PLPP1: variants seen among roughly 807,000 people sequenced by gnomAD.
PLPP1 encodes the protein phospholipid phosphatase 1, also known as lipid phosphate phosphohydrolase 1a.
PLPP1 carries 24 observed loss-of-function variants against 31.2 expected under a neutral mutation model. The observed-to-expected ratio is 0.77, with a 90% confidence interval of 0.56 to 1.08. The LOEUF (loss-of-function observed/expected upper bound fraction) is 1.08. Ranked by LOEUF, PLPP1 falls within the 50% of genes least tolerant of loss-of-function variation. The probability of loss-of-function intolerance (pLI) is 0.00; values close to 1 mark genes in which losing one functional copy is unlikely to be tolerated. For missense variants in PLPP1, 319 were observed against 342.7 expected, an observed-to-expected ratio of 0.93 and a Z score of 0.55; for synonymous variants, 146 against 126.3, an observed-to-expected ratio of 1.16 and a Z score of -1.05.
At position 55,524,295 on chromosome 5, in the gene PLPP1, T is replaced by G. The variant is rs556126547; in HGVS notation, c.58+10277A>C. The stretch of plus-strand genomic sequence containing the variant: ...AAAATTGCAAAAAAATCTTATAATG[T>G]TTTAAGAAAGTTTACAAATTTGTGT... On this transcript the variant is annotated intron_variant, in intron 1 of 5. Transcript: ENST00000307259. 5.3e-5 allele frequency among the ~76,000 whole-genome samples: 8 copies of G among 152,224 alleles called. No individual in the cohort carries two copies. In the East Asian group the frequency reaches 1.4e-3, roughly 26 times the overall value.
intron 1 of PLPP1, among the ~76,000 whole-genome samples, chr5:55,486,923 A>G (rs1034039886): frequency 4.6e-5 from 7 of 152,190 alleles, no homozygotes; most frequent in Non-Finnish European, 1.0e-4. Flanking sequence ...AAAAAAAAAA[A>G]AGTGATTAAG....
chr5:55,510,581 C>T (rs891539103), intron 1 of PLPP1, among the ~76,000 whole-genome samples: 1 of 152,226 alleles, frequency 6.6e-6, no homozygotes, highest in Non-Finnish European at 1.5e-5. Context: ...CCTCATCTCA[C>T]CTACTCCTCA....
chr5:55,526,534 C>G lies in PLPP1; in HGVS notation c.58+8038G>C, dbSNP rs141282052. Among the ~76,000 whole-genome samples the G allele has an allele frequency of 1.3e-3, 196 of 152,148 alleles. 2 individuals carry two copies. In the Middle Eastern group the frequency reaches 0.024, roughly 18 times the overall value. On this transcript the variant is annotated intron_variant, in intron 1 of 5. Coordinates refer to ENST00000307259, the MANE Select transcript of PLPP1 (RefSeq NM_003711.4). The stretch of plus-strand genomic sequence containing the variant: ...AAATTTTTGTTCGTTTTTTGAGATT[C>G]CTTCCCTCTCTCTGTGACTAGAATA...
Position 55,534,719 on chromosome 5 carries a change from G to T in PLPP1, c.-90C>A. The T allele has an allele frequency of 7.4e-7, 1 of 1,357,998 alleles. No homozygotes were observed. The allele number at this position is 1,357,998 out of a possible 1,614,324, so 84.1% of individuals were successfully genotyped here. ...TGATTCTCGAGCCCGGGCCGGGGCT[G>T]GCGACGGCCCCGAGCTACGGCCCCT... On this transcript the variant is annotated 5_prime_UTR_variant, in exon 1 of 6. Coordinates refer to ENST00000307259, the MANE Select transcript of PLPP1 (RefSeq NM_003711.4).
chr5:55,507,047 T>C (rs1753295884), intron 1 of PLPP1, among the ~76,000 whole-genome samples: 1 of 152,230 alleles, frequency 6.6e-6, no homozygotes, highest in Admixed American at 6.5e-5. Flanking sequence ...TGAAAAATTC[T>C]CCTACTAATC....
At chr5:55,534,444 G>T (rs1290018607) in intron 1 of PLPP1, 128 bp downstream of exon 1, 2 of 997,076 alleles carry the variant, frequency 2.0e-6, no homozygotes, top group African/African-American at 1.7e-5. Flanking sequence ...TGCAGAAGCC[G>T]CCCCCGTGTG....
In PLPP1 at chr5:55,457,278, C is replaced by T. The variant is rs188290407; in HGVS notation, c.491+10591G>A. On this transcript the variant is annotated intron_variant, in intron 3 of 5. Coordinates refer to ENST00000307259, the MANE Select transcript of PLPP1 (RefSeq NM_003711.4). Reference sequence around the variant, plus strand: ...AGAGGGTGCTTTCCCAACCCTTACACAGGACTGTAAGCGGACACTTGCATA... The same window carrying T: ...AGAGGGTGCTTTCCCAACCCTTACATAGGACTGTAAGCGGACACTTGCATA... 1.7e-4 allele frequency among the ~76,000 whole-genome samples: 26 copies of T among 152,008 alleles called. No homozygotes were observed. The East Asian group carries it at 2.1e-3, about 12-fold the overall frequency.
chr5:55,508,754 C>A (rs1227678044), intron 1 of PLPP1: 1 of 154,166 alleles, frequency 6.5e-6, no homozygotes, highest in East Asian at 1.9e-4. Flanking sequence ...ATAGAAGGGA[C>A]TAAGACAATG....
intron 1 of PLPP1, among the ~76,000 whole-genome samples, chr5:55,528,545 G>A (rs896095049): frequency 2.6e-4 from 39 of 152,186 alleles, no homozygotes; most frequent in Non-Finnish European, 5.0e-4. Flanking sequence ...AATGGACTCA[G>A]TGTCCATTAA....
chr5:55,427,105 G>A (rs201500444), intron 4 of PLPP1, among the ~76,000 whole-genome samples: 95 of 145,398 alleles, frequency 6.5e-4, no homozygotes, highest in African/African-American at 2.2e-3. Context: ...AAAAAAAAAA[G>A]AAAACTACCT....
intron 1 of PLPP1, among the ~76,000 whole-genome samples, chr5:55,521,871 C>T (rs1035943238): frequency 9.2e-5 from 14 of 152,142 alleles, no homozygotes; most frequent in African/African-American, 2.9e-4. Context: ...ATTTACCAAA[C>T]GCATATACTA....
chr5:55,521,225 T>TA (rs1267001197), intron 1 of PLPP1, among the ~76,000 whole-genome samples: 6 of 151,808 alleles, frequency 4.0e-5, no homozygotes, highest in Non-Finnish European at 7.4e-5. Flanking sequence ...TGGTGGCACA[T>TA]ACCTGTAATC....
chr5:55,528,035 G>A lies in PLPP1; in HGVS notation c.58+6537C>T, dbSNP rs528783971. Among the ~76,000 whole-genome samples the A allele has an allele frequency of 3.3e-5, 5 of 152,232 alleles. No individual in the cohort carries two copies. The South Asian group carries it at 1.0e-3, about 32-fold the overall frequency. On this transcript the variant is annotated intron_variant, in intron 1 of 5. Transcript: ENST00000307259. ...GGAGAAAAGATCTGGAAGGGCAAAT[G>A]GAACACACACAGCACAGAAAGATAT...
intron 1 of PLPP1, among the ~76,000 whole-genome samples, chr5:55,475,980 CTT>C (rs34891567): frequency 1.2e-4 from 16 of 139,036 alleles, no homozygotes; most frequent in Non-Finnish European, 7.7e-5. Flanking sequence ...CTTAAAGTTT[CTT>C]TTTTTTTTTT....
At chr5:55,508,092 A>G (rs1249687843) in intron 1 of PLPP1, among the ~76,000 whole-genome samples, 2 of 152,130 alleles carry the variant, frequency 1.3e-5, no homozygotes, top group Admixed American at 1.3e-4. Flanking sequence ...TCCTGGCCTC[A>G]AGCAATCCTC....
intron 1 of PLPP1, among the ~76,000 whole-genome samples, chr5:55,475,676 A>G (rs1440962458): frequency 6.6e-6 from 1 of 152,234 alleles, no homozygotes; most frequent in Non-Finnish European, 1.5e-5. Context: ...CAAATCCTCT[A>G]TTAACCAATT....
intron 4 of PLPP1, among the ~76,000 whole-genome samples, chr5:55,433,323 CGAAAAGAA>C (rs1410223705): frequency 6.9e-6 from 1 of 143,990 alleles, no homozygotes; most frequent in Non-Finnish European, 1.5e-5. Context: ...GACCCAGTCT[CGAAAAGAA>C]AAAAAGAAAA....
At chr5:55,506,677 A>C (rs975039055) in intron 1 of PLPP1, among the ~76,000 whole-genome samples, 4 of 152,182 alleles carry the variant, frequency 2.6e-5, no homozygotes, top group African/African-American at 7.2e-5. Context: ...ATATGTAAGA[A>C]ACACATTCCA....
chr5:55,529,082 A>G (rs190320060), intron 1 of PLPP1, among the ~76,000 whole-genome samples: 1 of 152,120 alleles, frequency 6.6e-6, no homozygotes, highest in African/African-American at 2.4e-5. Flanking sequence ...AAGGTGTAAT[A>G]GCAGCCAACT....
Sources: allele counts gnomAD v4.1 joint callset (sites outside exome capture counted in the v4.1 genomes callset), GRCh38; gene constraint gnomAD v4.1.1; transcripts MANE v1.5; gene names NCBI Gene and HGNC (gene_info 2026-07-23, HGNC 2026-07-21).